UST: variants seen among roughly 807,000 people sequenced by gnomAD.
The protein encoded by UST is uronyl 2-sulfotransferase.
In UST, 21 loss-of-function variants were observed where a neutral mutation model predicts 45.6. The ratio of observed to expected loss-of-function variants is 0.46; its 90% CI spans 0.33 to 0.66. The LOEUF (loss-of-function observed/expected upper bound fraction) is 0.66. Ranked by LOEUF, UST falls within the 30% of genes least tolerant of loss-of-function variation. The probability of loss-of-function intolerance (pLI) is 0.02; values close to 1 mark genes in which losing one functional copy is unlikely to be tolerated. For synonymous variants in UST, 215 were observed against 200.6 expected, an observed-to-expected ratio of 1.07 and a Z score of -0.61; for missense variants, 463 against 512.4, an observed-to-expected ratio of 0.90 and a Z score of 0.93.
At chr6:149,062,353 T>C (rs913581869) in intron 7 of UST, among the ~76,000 whole-genome samples, 1 of 152,208 alleles carries the variant, frequency 6.6e-6, no homozygotes, top group Non-Finnish European at 1.5e-5. Flanking sequence ...GTATGCATAG[T>C]CAACACTGAA....
At chr6:148,907,486 A>C (rs1314434757) in intron 2 of UST, among the ~76,000 whole-genome samples, 1 of 152,228 alleles carries the variant, frequency 6.6e-6, no homozygotes, top group Non-Finnish European at 1.5e-5. Flanking sequence ...TTCATAATTC[A>C]GAAGGGAGAT....
intron 5 of UST, among the ~76,000 whole-genome samples, chr6:149,015,579 G>T (rs1467162397): frequency 1.3e-5 from 2 of 152,140 alleles, no homozygotes; most frequent in Admixed American, 6.5e-5. Flanking sequence ...CATCAATGCA[G>T]TGACAATCTT....
intron 2 of UST, among the ~76,000 whole-genome samples, chr6:148,893,090 C>T (rs1307783581): frequency 1.3e-5 from 2 of 151,990 alleles, no homozygotes; most frequent in African/African-American, 4.8e-5. Flanking sequence ...AAAAGTGGGT[C>T]CAATGGATGC....
At chr6:148,754,214 T>C (rs1049803864) in intron 1 of UST, among the ~76,000 whole-genome samples, 1 of 152,240 alleles carries the variant, frequency 6.6e-6, no homozygotes, top group Non-Finnish European at 1.5e-5. Flanking sequence ...GCCAGGATGG[T>C]CTCGATCTCC....
At chr6:148,928,684 C>CA (rs1403674571) in intron 2 of UST, among the ~76,000 whole-genome samples, 1 of 152,222 alleles carries the variant, frequency 6.6e-6, no homozygotes, top group Non-Finnish European at 1.5e-5. Flanking sequence ...TTCCATGCCA[C>CA]ATTTGTTCAA....
rs553338288 is a variant in UST, at chr6:149,033,048, CT to C, written c.937+11569del. Among the ~76,000 whole-genome samples the C allele has an allele frequency of 3.1e-3, 475 of 152,304 alleles. 2 individuals carry two copies. Among genetic ancestry groups the C allele is most frequent in the African/African-American group, 0.011 (447 of 41,578 alleles). On this transcript the variant is annotated intron_variant, in intron 7 of 7. Transcript: ENST00000367463. ...CTGATAACGCCACAAAGCTGAAAGGCTTCTAAAGCTTGAGCAAAGATTGGAA... is the reference window on the plus strand; with the variant it reads ...CTGATAACGCCACAAAGCTGAAAGGCTCTAAAGCTTGAGCAAAGATTGGAA...
At chr6:148,894,386 A>G (rs978469451) in intron 2 of UST, among the ~76,000 whole-genome samples, 1 of 152,222 alleles carries the variant, frequency 6.6e-6, no homozygotes, top group East Asian at 1.9e-4. Flanking sequence ...TGTCTGTATA[A>G]GAAGAGGGAA....
chr6:149,012,549 C>G (rs1177452320), intron 5 of UST, among the ~76,000 whole-genome samples: 2 of 152,104 alleles, frequency 1.3e-5, no homozygotes, highest in Non-Finnish European at 2.9e-5. Flanking sequence ...ATATTTTTAG[C>G]GTGTGAAGAC....
chr6:149,028,596 A>C (rs1042626880), intron 7 of UST, among the ~76,000 whole-genome samples: 1 of 152,234 alleles, frequency 6.6e-6, no homozygotes, highest in Non-Finnish European at 1.5e-5. Context: ...TGTATTACTG[A>C]CTTGGGCAGA....
intron 1 of UST, among the ~76,000 whole-genome samples, chr6:148,814,354 G>A (rs925932754): frequency 6.6e-6 from 1 of 152,098 alleles, no homozygotes; most frequent in Non-Finnish European, 1.5e-5. Flanking sequence ...AGCTGCCAAA[G>A]TACCTATAGG....
intron 1 of UST, among the ~76,000 whole-genome samples, chr6:148,750,169 C>A (rs577007126): frequency 1.1e-3 from 172 of 152,290 alleles, no homozygotes; most frequent in African/African-American, 3.6e-3. Context: ...TTTTCCAAAT[C>A]AAAATATGTT....
At chr6:149,057,303 G>A (rs991135508) in intron 7 of UST, among the ~76,000 whole-genome samples, 2 of 148,006 alleles carry the variant, frequency 1.4e-5, no homozygotes, top group East Asian at 3.8e-4. Flanking sequence ...GGGCACTGCT[G>A]TACTCCTTTA....
intron 3 of UST, among the ~76,000 whole-genome samples, chr6:148,953,469 G>A (rs1262217378): frequency 6.6e-6 from 1 of 152,138 alleles, no homozygotes; most frequent in Non-Finnish European, 1.5e-5. Context: ...TGGTCCACTG[G>A]GAATAAGTGG....
In UST at chr6:148,993,035, A is replaced by G. The variant is rs564346063; in HGVS notation, c.682-26104A>G. The G allele has an allele frequency of 3.4e-4, 339 of 985,454 alleles. 2 individuals are homozygous for G. The Middle Eastern group carries it at 4.7e-3, about 14-fold the overall frequency. 61.0% of individuals were successfully genotyped at this position (985,454 alleles called of 1,614,324 possible). ...GGCTAATAACCACTTGCTTCCTTCA[A>G]TCCCAACTGGCAAGGAGGAGCACCA... On this transcript the variant is annotated intron_variant, in intron 5 of 7. Transcript: ENST00000367463.
In UST at chr6:149,074,229, AACATTCCC is replaced by A. The variant is rs1272281128; in HGVS notation, c.*118_*125del. On this transcript the variant is annotated 3_prime_UTR_variant, in exon 8 of 8. Coordinates refer to ENST00000367463, the MANE Select transcript of UST (RefSeq NM_005715.3). Reference sequence around the variant, plus strand: ...TGCTTGGGTGCATTAAAAAGAACAAAACATTCCCACATGTTGGGGTCATTGGGAGATGC... The same window carrying A: ...TGCTTGGGTGCATTAAAAAGAACAAAACATGTTGGGGTCATTGGGAGATGC... The A allele has an allele frequency of 1.7e-6, 2 of 1,212,014 alleles. No individual in the cohort carries two copies. Among genetic ancestry groups the A allele is most frequent in the Non-Finnish European group, 2.3e-6 (2 of 866,660 alleles). The allele number at this position is 1,212,014 out of a possible 1,614,324, so 75.1% of individuals were successfully genotyped here.
intron 7 of UST, among the ~76,000 whole-genome samples, chr6:149,071,797 CA>C (rs781405394): frequency 1.7e-4 from 26 of 151,434 alleles, no homozygotes; most frequent in African/African-American, 4.6e-4. Context: ...CAAAAGCAAA[CA>C]AAAAAAAACC....
At chr6:148,836,402 G>A (rs1374997204) in intron 1 of UST, among the ~76,000 whole-genome samples, 1 of 152,128 alleles carries the variant, frequency 6.6e-6, no homozygotes, top group Non-Finnish European at 1.5e-5. Flanking sequence ...AAATTTCATA[G>A]GACCTACTTG....
intron 1 of UST, among the ~76,000 whole-genome samples, chr6:148,856,925 A>G (rs1390429549): frequency 6.6e-6 from 1 of 150,480 alleles, no homozygotes; most frequent in East Asian, 1.9e-4. Flanking sequence ...ATTACTTAAT[A>G]CTGGCAATGA....
chr6:148,767,590 GT>G (rs141995999), intron 1 of UST, among the ~76,000 whole-genome samples: 11 of 149,922 alleles, frequency 7.3e-5, no homozygotes, highest in South Asian at 2.1e-4. Flanking sequence ...TCTAGGTAAA[GT>G]TTTTTTTTTA....
Sources: gnomAD v4.1 joint callset for allele counts (sites outside exome capture counted in the v4.1 genomes callset) on GRCh38, gnomAD v4.1.1 for gene constraint, MANE v1.5 for transcripts, NCBI Gene and HGNC (gene_info 2026-07-23, HGNC 2026-07-21) for gene names.